Variants in PTPRN2 observed in about 807,000 individuals in gnomAD.
PTPRN2 encodes the protein protein tyrosine phosphatase receptor type N2, also known as receptor-type tyrosine-protein phosphatase N2.
PTPRN2 carries 74 observed loss-of-function variants against 118.8 expected under a neutral mutation model. The ratio of observed to expected loss-of-function variants is 0.62; its 90% CI spans 0.52 to 0.76. The LOEUF (loss-of-function observed/expected upper bound fraction) is 0.76. Among genes scored for constraint, PTPRN2 ranks in the 30% least tolerant of loss-of-function variants. PTPRN2 has a pLI of 0.00. For synonymous variants in PTPRN2, 641 were observed against 608.0 expected (o/e 1.05, Z -0.80); for missense variants, 1,481 against 1,394.4 (o/e 1.06, Z -0.99).
Position 158,440,811 on chromosome 7 carries a change from GGTAGTAGTA to G in PTPRN2, c.163+48915_163+48923del, listed in dbSNP as rs140454375. ...TGATGGGGGTGGTAGTGGTGATGGT[GGTAGTAGTA>G]GTGGTGGTGGTGGTGATGGCAGTGA... On this transcript the variant is annotated intron_variant, in intron 2 of 22. Coordinates refer to ENST00000389418, the MANE Select transcript of PTPRN2 (RefSeq NM_002847.5). 5.9e-5 allele frequency among the ~76,000 whole-genome samples: 7 copies of G among 118,734 alleles called. No homozygotes were observed. In the South Asian group the frequency reaches 9.3e-4, roughly 16 times the overall value. The allele number at this position is 118,734 out of a possible 152,430, so 77.9% of individuals were successfully genotyped here.
chr7:158,065,580 CG>C (rs1810709942), intron 11 of PTPRN2, among the ~76,000 whole-genome samples: 1 of 152,134 alleles, frequency 6.6e-6, no homozygotes, highest in Non-Finnish European at 1.5e-5. Flanking sequence ...CCATCAGACC[CG>C]GGGGGAGGGC....
chr7:157,884,179 C>T (rs1489721006), intron 12 of PTPRN2, among the ~76,000 whole-genome samples: 1 of 151,830 alleles, frequency 6.6e-6, no homozygotes, highest in East Asian at 1.9e-4. Flanking sequence ...CTGTCAGAGA[C>T]CAGAACATAC....
At chr7:157,698,538 T>C (rs1797919529) in intron 12 of PTPRN2, among the ~76,000 whole-genome samples, 1 of 152,324 alleles carries the variant, frequency 6.6e-6, no homozygotes, top group African/African-American at 2.4e-5. Context: ...TGTTTAGACT[T>C]TTCTTCCCCA....
In PTPRN2 at chr7:157,785,213, G is replaced by A. The variant is rs1003887155; in HGVS notation, c.1789-102276C>T. ...GAGCAGGATAACCCGGGCCCACGTGGGGACACGCCCCGCCCCACAGGCTTG... is the reference window on the plus strand; with the variant it reads ...GAGCAGGATAACCCGGGCCCACGTGAGGACACGCCCCGCCCCACAGGCTTG... On this transcript the variant is annotated intron_variant, in intron 12 of 22. Coordinates refer to ENST00000389418, the MANE Select transcript of PTPRN2 (RefSeq NM_002847.5). The surrounding 1 kb of genome is among the most constrained non-coding windows in gnomAD (Gnocchi z 7.3). Among the ~76,000 whole-genome samples the A allele has an allele frequency of 2.6e-5, 4 of 151,924 alleles. No homozygotes were observed. Among genetic ancestry groups the A allele is most frequent in the African/African-American group, 9.7e-5 (4 of 41,366 alleles).
intron 3 of PTPRN2, among the ~76,000 whole-genome samples, chr7:158,316,087 G>A (rs1005439968): frequency 7.9e-5 from 12 of 152,192 alleles, no homozygotes; most frequent in African/African-American, 2.2e-4. Context: ...ATCATTCCCC[G>A]AGGTGATCAG....
chr7:158,006,546 G>A (rs1014119798), intron 11 of PTPRN2, among the ~76,000 whole-genome samples: 19 of 152,214 alleles, frequency 1.2e-4, no homozygotes, highest in African/African-American at 3.6e-4. Flanking sequence ...AGAGCCGCCC[G>A]GGATGCAGAC....
intron 11 of PTPRN2, among the ~76,000 whole-genome samples, chr7:157,998,360 C>G (rs980549155): frequency 1.3e-5 from 2 of 152,142 alleles, no homozygotes; most frequent in African/African-American, 4.8e-5. Flanking sequence ...AGGGCTGGCC[C>G]GGAGGCTCCT....
intron 10 of PTPRN2, among the ~76,000 whole-genome samples, chr7:158,089,401 A>T (rs868062720): frequency 2.5e-4 from 10 of 40,412 alleles, no homozygotes; most frequent in Non-Finnish European, 6.6e-4. Context: ...GGGAGTCTTC[A>T]CACAAACCTT....
intron 5 of PTPRN2, among the ~76,000 whole-genome samples, chr7:158,191,215 G>C (rs1825739068): frequency 6.6e-6 from 1 of 152,178 alleles, no homozygotes; most frequent in African/African-American, 2.4e-5. Context: ...GAACATAATA[G>C]AAACTGGGCC....
chr7:157,799,089 AC>A (rs1423053923), intron 12 of PTPRN2, among the ~76,000 whole-genome samples: 1 of 152,066 alleles, frequency 6.6e-6, no homozygotes, highest in African/African-American at 2.4e-5. Flanking sequence ...AGACATGACA[AC>A]CCCATCGGGT....
At chr7:157,932,101 T>C (rs1799394614) in intron 11 of PTPRN2, among the ~76,000 whole-genome samples, 1 of 152,220 alleles carries the variant, frequency 6.6e-6, no homozygotes, top group East Asian at 1.9e-4. Flanking sequence ...CTGATATTTG[T>C]GCTTTATTAT....
intron 3 of PTPRN2, among the ~76,000 whole-genome samples, chr7:158,279,207 T>G (rs1202754112): frequency 1.3e-5 from 2 of 152,192 alleles, no homozygotes; most frequent in Admixed American, 1.3e-4. Flanking sequence ...GATTGGTCCA[T>G]TTTACAGAGG....
chr7:158,012,745 C>T (rs760596165), intron 11 of PTPRN2, among the ~76,000 whole-genome samples: 12 of 152,206 alleles, frequency 7.9e-5, no homozygotes, highest in Admixed American at 3.3e-4. Context: ...CCGGCCATCA[C>T]ATCTGCATTC....
intron 1 of PTPRN2, among the ~76,000 whole-genome samples, chr7:158,577,093 G>A (rs1267757332): frequency 4.5e-5 from 6 of 132,430 alleles, no homozygotes; most frequent in African/African-American, 1.2e-4. Flanking sequence ...GCCACAGACA[G>A]CATGGGGCCT....
At chr7:157,578,580 G>C (rs532010198) in intron 17 of PTPRN2, among the ~76,000 whole-genome samples, 1 of 152,316 alleles carries the variant, frequency 6.6e-6, no homozygotes, top group East Asian at 1.9e-4. Flanking sequence ...CCTCCGAAAG[G>C]CTTCTTTTCA....
intron 3 of PTPRN2, among the ~76,000 whole-genome samples, chr7:158,308,350 G>A (rs975535598): frequency 6.6e-6 from 1 of 152,148 alleles, no homozygotes; most frequent in African/African-American, 2.4e-5. Flanking sequence ...GTTCTAAATG[G>A]AGTACTTTAG....
chr7:158,053,976 T>C (rs1271122453), intron 11 of PTPRN2, among the ~76,000 whole-genome samples: 1,970 of 70,082 alleles, frequency 0.028, 10 homozygotes, highest in African/African-American at 0.04. Context: ...GCAGAGACCC[T>C]AGAGACGCAG....
chr7:158,186,788 A>G (rs1563574486), intron 5 of PTPRN2, among the ~76,000 whole-genome samples: 5 of 152,186 alleles, frequency 3.3e-5, no homozygotes, highest in African/African-American at 1.2e-4. Flanking sequence ...TTTTAATTAT[A>G]TTTTTTGCTT....
intron 11 of PTPRN2, among the ~76,000 whole-genome samples, chr7:158,052,845 C>T (rs1485488108): frequency 1.3e-5 from 2 of 152,224 alleles, no homozygotes; most frequent in Admixed American, 6.5e-5. Flanking sequence ...GGGTCCACCA[C>T]GTTCCCTCGA....
Sources: allele counts gnomAD v4.1 joint callset (sites outside exome capture counted in the v4.1 genomes callset), GRCh38; gene constraint gnomAD v4.1.1; non-coding constraint Gnocchi (gnomAD v3.1); transcripts MANE v1.5; gene names NCBI Gene and HGNC (gene_info 2026-07-23, HGNC 2026-07-21).